The following CTNNA3 variants were observed in gnomAD, a reference collection of about 807,000 sequenced individuals.
CTNNA3 encodes the protein catenin alpha-3.
In CTNNA3, 76 loss-of-function variants were observed where a neutral mutation model predicts 95.7. The ratio of observed to expected loss-of-function variants is 0.79; its 90% CI spans 0.66 to 0.96. The LOEUF is 0.96. CTNNA3 is among the 40% of genes least tolerant of loss of function. CTNNA3 has a pLI of 0.00. For synonymous variants in CTNNA3, 431 were observed against 374.4 expected, an observed-to-expected ratio of 1.15 and a Z score of -1.74; for missense variants, 1,191 against 1,089.8, an observed-to-expected ratio of 1.09 and a Z score of -1.31.
intron 15 of CTNNA3, among the ~76,000 whole-genome samples, chr10:66,048,358 A>T (rs1233178263): frequency 2.0e-5 from 3 of 152,202 alleles, no homozygotes; most frequent in Non-Finnish European, 4.4e-5. Flanking sequence ...CAAAGCTGAC[A>T]AAAATAAGCA....
chr10:66,440,664 G>T (rs1319007749), intron 11 of CTNNA3, among the ~76,000 whole-genome samples: 7 of 152,028 alleles, frequency 4.6e-5, no homozygotes, highest in Non-Finnish European at 8.8e-5. Context: ...TGAGAATAGG[G>T]TAGTAGTTAA....
At chr10:67,257,335 A>G (rs60120124) in intron 5 of CTNNA3, among the ~76,000 whole-genome samples, 3,109 of 152,344 alleles carry the variant, frequency 0.02, 113 homozygotes, top group African/African-American at 0.068. Flanking sequence ...AGACTCCTAG[A>G]GTGCAATGCT....
intron 5 of CTNNA3, among the ~76,000 whole-genome samples, chr10:67,367,327 G>GA (rs1843252516): frequency 6.6e-6 from 1 of 151,148 alleles, no homozygotes; most frequent in Non-Finnish European, 1.5e-5. Flanking sequence ...CCAAACATAC[G>GA]AAAAAAATAT....
intron 11 of CTNNA3, among the ~76,000 whole-genome samples, chr10:66,437,884 G>A (rs539790399): frequency 1.3e-4 from 20 of 152,054 alleles, no homozygotes; most frequent in Middle Eastern, 3.4e-3. Flanking sequence ...GGGTTTTTGC[G>A]TGGGTGTCCT....
intron 7 of CTNNA3, among the ~76,000 whole-genome samples, chr10:67,016,028 C>T (rs200858057): frequency 1.3e-5 from 1 of 76,264 alleles, no homozygotes; most frequent in African/African-American, 3.0e-5. Flanking sequence ...TTGCTGTATA[C>T]TCTCTTCTTT....
At chr10:66,241,175 T>C (rs1280471881) in intron 13 of CTNNA3, among the ~76,000 whole-genome samples, 3 of 151,944 alleles carry the variant, frequency 2.0e-5, no homozygotes, top group Non-Finnish European at 4.4e-5. Context: ...ACAAAATAAA[T>C]GCTCATACAC....
At chr10:66,343,335 C>T (rs1011545999) in intron 12 of CTNNA3, among the ~76,000 whole-genome samples, 1 of 151,904 alleles carries the variant, frequency 6.6e-6, no homozygotes. Context: ...AGGTGTCTAA[C>T]AACAGATGAA....
chr10:67,683,940 T>C (rs1437870250), intron 1 of CTNNA3, among the ~76,000 whole-genome samples: 1 of 152,154 alleles, frequency 6.6e-6, no homozygotes, highest in African/African-American at 2.4e-5. Context: ...CAGACCCTCG[T>C]GGTGAGTATT....
intron 5 of CTNNA3, among the ~76,000 whole-genome samples, chr10:67,441,172 A>C (rs74746766): frequency 2.0e-5 from 3 of 152,190 alleles, no homozygotes; most frequent in Non-Finnish European, 4.4e-5. Flanking sequence ...TGAATAATGC[A>C]TCAGAATACC....
intron 7 of CTNNA3, among the ~76,000 whole-genome samples, chr10:66,858,869 C>T (rs1314367402): frequency 6.6e-6 from 1 of 151,812 alleles, no homozygotes; most frequent in Non-Finnish European, 1.5e-5. Flanking sequence ...TGGTTTTTCA[C>T]GCCTCAATTT....
At chr10:66,935,956 A>G (rs1480671611) in intron 7 of CTNNA3, among the ~76,000 whole-genome samples, 3 of 152,162 alleles carry the variant, frequency 2.0e-5, no homozygotes, top group East Asian at 3.9e-4. Context: ...TCCCTTTAGG[A>G]AATAATTTCC....
chr10:67,657,847 CAAAAAAAAAAAAA>C (rs200763142), intron 1 of CTNNA3, among the ~76,000 whole-genome samples: 3 of 40,388 alleles, frequency 7.4e-5, no homozygotes, highest in East Asian at 2.8e-4. Flanking sequence ...AATTCCATCT[CAAAAAAAAAAAAA>C]AAAAAAAAAG....
At chr10:67,295,769 A>T (rs1180408304) in intron 5 of CTNNA3, among the ~76,000 whole-genome samples, 2 of 152,232 alleles carry the variant, frequency 1.3e-5, no homozygotes, top group African/African-American at 4.8e-5. Context: ...GAAGAATAAG[A>T]GTTGAATAAA....
chr10:67,121,796 C>T (rs1250731841), intron 7 of CTNNA3, among the ~76,000 whole-genome samples: 6 of 151,726 alleles, frequency 4.0e-5, no homozygotes, highest in Non-Finnish European at 5.9e-5. Flanking sequence ...AAGCCCTTGT[C>T]CCATCTAAAA....
intron 5 of CTNNA3, among the ~76,000 whole-genome samples, chr10:67,377,377 T>C (rs1843733820): frequency 6.6e-6 from 1 of 152,206 alleles, no homozygotes; most frequent in South Asian, 2.1e-4. Flanking sequence ...AGGGACTAGT[T>C]GAAATCTCCT....
chr10:67,457,871 C>T (rs141723657), intron 5 of CTNNA3, among the ~76,000 whole-genome samples: 2 of 152,254 alleles, frequency 1.3e-5, no homozygotes, highest in Non-Finnish European at 2.9e-5. Context: ...ACACCGGACC[C>T]ACCCAGGTAA....
At chr10:66,149,815 A>T (rs1462821) in intron 13 of CTNNA3, among the ~76,000 whole-genome samples, 126,074 of 151,976 alleles carry the variant, frequency 0.83, 52,473 homozygotes, top group South Asian at 0.92. Flanking sequence ...TTCACTTTAA[A>T]AACAATGGAA....
chr10:66,397,328 A>T (rs2092986620), intron 11 of CTNNA3, among the ~76,000 whole-genome samples: 2 of 151,800 alleles, frequency 1.3e-5, no homozygotes, highest in African/African-American at 4.8e-5. Flanking sequence ...AACTAAGCAA[A>T]CTACCATTTA....
At chr10:66,109,866 CA>C (rs201092050) in intron 13 of CTNNA3, among the ~76,000 whole-genome samples, 75 of 140,808 alleles carry the variant, frequency 5.3e-4, no homozygotes, top group Admixed American at 2.5e-3. Flanking sequence ...ACTTAAAGTA[CA>C]AAAAAAAAAA....
Sources: gnomAD v4.1 joint callset for allele counts (sites outside exome capture counted in the v4.1 genomes callset) on GRCh38, gnomAD v4.1.1 for gene constraint, MANE v1.5 for transcripts, NCBI Gene and HGNC (gene_info 2026-07-23, HGNC 2026-07-21) for gene names.